GRID2: variants seen among roughly 807,000 people sequenced by gnomAD.
GRID2 encodes glutamate receptor ionotropic, delta-2.
GRID2 carries 33 observed loss-of-function variants against 114.8 expected under a neutral mutation model. The observed-to-expected ratio is 0.29, with a 90% CI of 0.22 to 0.38. The LOEUF (loss-of-function observed/expected upper bound fraction) is 0.38, where lower values mean the gene tolerates loss of function less well. Ranked by LOEUF, GRID2 falls within the 10% of genes least tolerant of loss-of-function variation. GRID2 has a pLI of 1.00. For missense variants in GRID2, 1,184 were observed against 1,257.7 expected, an observed-to-expected ratio of 0.94 and a Z score of 0.89; for synonymous variants, 505 against 449.9, an observed-to-expected ratio of 1.12 and a Z score of -1.55.
chr4:93,196,331 C>T (rs1184545458), intron 4 of GRID2, among the ~76,000 whole-genome samples: 1 of 152,126 alleles, frequency 6.6e-6, no homozygotes, highest in Non-Finnish European at 1.5e-5. Flanking sequence ...AATGACAAAA[C>T]ACAAGTAGCT....
At chr4:93,000,371 T>C (rs1755465403) in intron 2 of GRID2, among the ~76,000 whole-genome samples, 1 of 151,646 alleles carries the variant, frequency 6.6e-6, no homozygotes, top group Admixed American at 6.6e-5. Context: ...AATTATTGAA[T>C]ACCATGATTG....
intron 14 of GRID2, among the ~76,000 whole-genome samples, chr4:93,633,062 T>C (rs1427150147): frequency 2.0e-5 from 3 of 151,944 alleles, no homozygotes. Context: ...TCTCTCTCTC[T>C]ACACATGCAT....
At chr4:92,937,445 G>A (rs1409949620) in intron 2 of GRID2, among the ~76,000 whole-genome samples, 2 of 146,700 alleles carry the variant, frequency 1.4e-5, no homozygotes, top group Non-Finnish European at 1.5e-5. Flanking sequence ...TGAAGAGACT[G>A]CTCTTGCCTT....
exon 2 of GRID2, chr4:93,807,048 T>G (rs1420121039): frequency 6.6e-6 from 1 of 152,304 alleles, no homozygotes; most frequent in Non-Finnish European, 1.5e-5. Flanking sequence ...CTTGCTGTAA[T>G]CCACTCATAG....
chr4:92,738,601 T>A (rs1274835276), intron 2 of GRID2, among the ~76,000 whole-genome samples: 1 of 152,150 alleles, frequency 6.6e-6, no homozygotes, highest in Non-Finnish European at 1.5e-5. Flanking sequence ...TTGAACAGAC[T>A]TTTTGCTTAT....
intron 1 of GRID2, among the ~76,000 whole-genome samples, chr4:92,574,078 G>A (rs1432218947): frequency 6.6e-6 from 1 of 151,960 alleles, no homozygotes; most frequent in African/African-American, 2.4e-5. Flanking sequence ...TTTGTCTTTT[G>A]TTCTTTGTTG....
chr4:93,155,834 A>C (rs1258351821), intron 4 of GRID2, among the ~76,000 whole-genome samples: 1 of 151,776 alleles, frequency 6.6e-6, no homozygotes, highest in African/African-American at 2.4e-5. Flanking sequence ...TAGCGAGGGC[A>C]TGGGGGGTAG....
At chr4:92,737,827 G>C (rs1294145726) in intron 2 of GRID2, among the ~76,000 whole-genome samples, 1 of 151,940 alleles carries the variant, frequency 6.6e-6, no homozygotes, top group Admixed American at 6.6e-5. Context: ...TATTTTTGGG[G>C]CTTTTGTTTC....
At chr4:93,490,844 A>C in intron 12 of GRID2, 67 bp downstream of exon 12, 1 of 1,084,320 alleles carries the variant, frequency 9.2e-7, no homozygotes, top group Non-Finnish European at 1.4e-6. Flanking sequence ...AAGCTATCTG[A>C]GAATAAGTAT....
At chr4:92,882,657 A>T (rs1175035612) in intron 2 of GRID2, among the ~76,000 whole-genome samples, 1 of 152,192 alleles carries the variant, frequency 6.6e-6, no homozygotes, top group African/African-American at 2.4e-5. Context: ...CTGTGGCTTC[A>T]GTTCCAGACC....
chr4:92,366,925 C>T (rs1001851596), intron 1 of GRID2, among the ~76,000 whole-genome samples: 1 of 152,018 alleles, frequency 6.6e-6, no homozygotes, highest in Non-Finnish European at 1.5e-5. Flanking sequence ...AACCACATAC[C>T]TAAAAATGTC....
In GRID2 at chr4:93,613,953, C is replaced by G. The variant is rs1741284058; in HGVS notation, c.2194-12316C>G. Among the ~76,000 whole-genome samples the G allele has an allele frequency of 2.0e-5, 3 of 151,744 alleles. No individual in the cohort carries two copies. The South Asian group carries it at 6.3e-4, about 32-fold the overall frequency. Reference sequence around the variant, plus strand: ...GTTTGATCTCAGACTGCTGTGCTAGCAATCAGCGAGATTCCGTGGGCGTAG... The same window carrying G: ...GTTTGATCTCAGACTGCTGTGCTAGGAATCAGCGAGATTCCGTGGGCGTAG... On this transcript the variant is annotated intron_variant, in intron 13 of 15. Transcript: ENST00000282020.
chr4:92,717,069 G>A (rs188998848), intron 2 of GRID2, among the ~76,000 whole-genome samples: 1 of 152,276 alleles, frequency 6.6e-6, no homozygotes, highest in African/African-American at 2.4e-5. Flanking sequence ...CACAATGTCT[G>A]GAGTGCAATG....
intron 2 of GRID2, among the ~76,000 whole-genome samples, chr4:92,778,657 A>G (rs1038422875): frequency 4.6e-5 from 7 of 152,160 alleles, no homozygotes; most frequent in African/African-American, 1.7e-4. Context: ...CAAATTGGCA[A>G]TAATAATTTT....
intron 2 of GRID2, among the ~76,000 whole-genome samples, chr4:92,629,229 A>G (rs1217201846): frequency 6.6e-6 from 1 of 152,132 alleles, no homozygotes; most frequent in Non-Finnish European, 1.5e-5. Context: ...TATGCCAAGA[A>G]AAAGGTCAGT....
At chr4:92,823,396 A>G (rs1741432811) in intron 2 of GRID2, among the ~76,000 whole-genome samples, 1 of 152,260 alleles carries the variant, frequency 6.6e-6, no homozygotes, top group East Asian at 1.9e-4. Flanking sequence ...GATATTTGCT[A>G]AATTTGTTAA....
At chr4:92,447,004 AAC>A (rs1733505717) in intron 1 of GRID2, among the ~76,000 whole-genome samples, 1 of 152,202 alleles carries the variant, frequency 6.6e-6, no homozygotes, top group African/African-American at 2.4e-5. Flanking sequence ...AGGGTTCAGA[AAC>A]ACTAAATTAG....
intron 14 of GRID2, among the ~76,000 whole-genome samples, chr4:93,687,218 A>G (rs1304012895): frequency 6.6e-6 from 1 of 152,094 alleles, no homozygotes; most frequent in Non-Finnish European, 1.5e-5. Context: ...CCTTTGCACC[A>G]GAAAGATGGA....
At chr4:92,618,399 T>C (rs62307899) in intron 2 of GRID2, among the ~76,000 whole-genome samples, 7,126 of 151,898 alleles carry the variant, frequency 0.047, 205 homozygotes, top group East Asian at 0.094. Flanking sequence ...CCCTGCTGTT[T>C]TGGTTACTAC....
Sources: allele counts gnomAD v4.1 joint callset (sites outside exome capture counted in the v4.1 genomes callset), GRCh38; gene constraint gnomAD v4.1.1; transcripts MANE v1.5; gene names NCBI Gene and HGNC (gene_info 2026-07-23, HGNC 2026-07-21).